SFXN3: variants seen among roughly 807,000 people sequenced by gnomAD.
The protein encoded by SFXN3 is sideroflexin-3.
Under a neutral mutation model 40.4 loss-of-function variants are expected in SFXN3, and 31 were observed. The observed-to-expected ratio is 0.77, with a 90% confidence interval of 0.58 to 1.04. The LOEUF (loss-of-function observed/expected upper bound fraction) is 1.04. Ranked by LOEUF, SFXN3 falls within the 50% of genes least tolerant of loss-of-function variation. SFXN3 has a pLI of 0.00. For missense variants in SFXN3, 366 were observed against 408.2 expected (o/e 0.90, Z 0.89); for synonymous variants, 157 against 160.0 (o/e 0.98, Z 0.14).
Position 101,036,784 on chromosome 10 carries a change from T to C in SFXN3, c.569T>C (p.Ile190Thr). 1 of 1,613,900 alleles carries C rather than the reference T, an allele frequency of 6.2e-7. No individual in the cohort carries two copies. The highest frequency in any genetic ancestry group is 8.5e-7 in the Non-Finnish European group (1 of 1,179,778). Reference sequence around the variant, plus strand: ...GCAGCAGTGGCAGCTGCCAACTGCATCAACATCCCCCTGATGAGGCAGAGG... The same window carrying C: ...GCAGCAGTGGCAGCTGCCAACTGCACCAACATCCCCCTGATGAGGCAGAGG... The change falls in exon 7 of 12, where the codon ATC (isoleucine) becomes ACC (threonine). Residue 190 changes from isoleucine to threonine, a missense_variant. Physicochemically the swap from Ile to Thr is moderately conservative, Grantham distance 89. Transcript: ENST00000393459. The surrounding 1 kb of genome is among the most constrained non-coding windows in gnomAD (Gnocchi z 4.2).
intron 1 of SFXN3, chr10:101,032,021 A>G: frequency 5.8e-6 from 1 of 173,598 alleles, no homozygotes. Context: ...CGGTAACCCG[A>G]GTCCCTCCCG....
chr10:101,033,706 GT>G (rs1434574453), intron 2 of SFXN3, among the ~76,000 whole-genome samples: 1 of 152,174 alleles, frequency 6.6e-6, no homozygotes, highest in African/African-American at 2.4e-5. Flanking sequence ...AGTTCCCTCA[GT>G]TTTTATTGAT....
chr10:101,040,479 G>A (rs1938844981), exon 12 of SFXN3: 1 of 152,230 alleles, frequency 6.6e-6, no homozygotes, highest in Non-Finnish European at 1.5e-5. Context: ...CGGTAGGAAT[G>A]GTGCTTAAAC....
chr10:101,036,941 C>A lies in SFXN3; in HGVS notation c.593+133C>A. Reference sequence around the variant, plus strand: ...CTGCTGGGCCCTGGCTCAGTCTGACCCTGGGATCCTCAGGTGGGAGAACCA... The same window carrying A: ...CTGCTGGGCCCTGGCTCAGTCTGACACTGGGATCCTCAGGTGGGAGAACCA... On this transcript the variant is annotated intron_variant, in intron 7 of 11. Transcript: ENST00000393459. This position sits in a 1 kb window ranked among gnomAD's most constrained non-coding sequence, Gnocchi z 4.2. 2.6e-6 allele frequency: 4 copies of A among 1,519,560 alleles called. No homozygotes were observed. Among genetic ancestry groups the A allele is most frequent in the Non-Finnish European group, 3.5e-6 (4 of 1,127,970 alleles). 94.1% of individuals were successfully genotyped at this position (1,519,560 alleles called of 1,614,324 possible). A position where few individuals can be genotyped will look rare whatever the true frequency, so the allele number is the denominator to read the frequency against.
intron 3 of SFXN3, among the ~76,000 whole-genome samples, chr10:101,035,074 A>G (rs1016779470): frequency 6.6e-6 from 1 of 152,222 alleles, no homozygotes; most frequent in African/African-American, 2.4e-5. Context: ...GGGCTGCTCT[A>G]TGCATCACAA....
intron 9 of SFXN3, chr10:101,037,878 C>T: frequency 9.6e-7 from 1 of 1,041,724 alleles, no homozygotes; most frequent in Non-Finnish European, 1.2e-6. Flanking sequence ...TGCCATGCAC[C>T]AGGCATGTTT....
At chr10:101,037,662 T>C (rs1938688178) in intron 9 of SFXN3, 1 of 1,428,380 alleles carries the variant, frequency 7.0e-7, no homozygotes, top group African/African-American at 1.4e-5. Context: ...ACTTCATCAG[T>C]GTTACTCCAG....
chr10:101,039,817 T>C lies in SFXN3; in HGVS notation c.*232T>C. On this transcript the variant is annotated 3_prime_UTR_variant, in exon 12 of 12. Transcript: ENST00000393459. The surrounding 1 kb of genome is among the most constrained non-coding windows in gnomAD (Gnocchi z 4.6). Reference sequence around the variant, plus strand: ...AACCCCTCCTGTGCTTGAGTGTCCATGCATATACATACATGATACACATGT... The same window carrying C: ...AACCCCTCCTGTGCTTGAGTGTCCACGCATATACATACATGATACACATGT... The C allele has an allele frequency of 1.7e-6, 1 of 575,098 alleles. No homozygotes were observed. The highest frequency in any genetic ancestry group is 3.1e-6 in the Non-Finnish European group (1 of 319,880). The allele number at this position is 575,098 out of a possible 1,614,324, so 35.6% of individuals were successfully genotyped here. A position where few individuals can be genotyped will look rare whatever the true frequency, so the allele number is the denominator to read the frequency against.
In SFXN3 at chr10:101,036,616, TTCC is replaced by T; in HGVS notation, c.507+58_507+60del. 6.2e-7 allele frequency: 1 copy of T among 1,613,052 alleles called. No individual in the cohort carries two copies. Among genetic ancestry groups the T allele is most frequent in the Non-Finnish European group, 8.5e-7 (1 of 1,179,464 alleles). ...CATTCATCCTCTATCTGCCTCCTTC[TTCC>T]TCATCACACCTCCAGTTCTGACCTA... is the stretch of plus-strand genomic sequence containing the variant. On this transcript the variant is annotated intron_variant, in intron 6 of 11. Coordinates refer to ENST00000393459, the Ensembl canonical transcript of SFXN3. The surrounding 1 kb of genome is among the most constrained non-coding windows in gnomAD (Gnocchi z 4.2).
Position 101,036,588 on chromosome 10 carries a change from C to T in SFXN3, c.507+27C>T. The T allele has an allele frequency of 6.2e-7, 1 of 1,613,758 alleles. No homozygotes were observed. Among genetic ancestry groups the T allele is most frequent in the Non-Finnish European group, 8.5e-7 (1 of 1,179,760 alleles). Reference sequence around the variant, plus strand: ...TAAAGGCCCCTCACTCCCCTGACCACCCCATTCATCCTCTATCTGCCTCCT... The same window carrying T: ...TAAAGGCCCCTCACTCCCCTGACCATCCCATTCATCCTCTATCTGCCTCCT... On this transcript the variant is annotated intron_variant, in intron 6 of 11. Transcript: ENST00000393459. This position sits in a 1 kb window ranked among gnomAD's most constrained non-coding sequence, Gnocchi z 4.2.
Position 101,039,314 on chromosome 10 carries a change from G to T in SFXN3, c.869+92G>T, listed in dbSNP as rs918983367. 1 of 1,325,876 alleles carries T rather than the reference G, an allele frequency of 7.5e-7. No individual in the cohort carries two copies. The highest frequency in any genetic ancestry group is 1.1e-6 in the Non-Finnish European group (1 of 935,464). 82.1% of individuals were successfully genotyped at this position (1,325,876 alleles called of 1,614,324 possible). ...CTAGGGTCTTCCAGGGTGTTCAGGA[G>T]GAGGCCTGGCAGGCACTCCACTGAT... On this transcript the variant is annotated intron_variant, in intron 11 of 11. Transcript: ENST00000393459. This position sits in a 1 kb window ranked among gnomAD's most constrained non-coding sequence, Gnocchi z 4.6.
At chr10:101,037,756 A>G (rs1938692600) in intron 9 of SFXN3, 1 of 1,287,056 alleles carries the variant, frequency 7.8e-7, no homozygotes, top group Admixed American at 3.4e-5. Flanking sequence ...CTCCATACTG[A>G]GAGGTACACA....
chr10:101,037,386 C>T (rs1938670973), exon 9 of SFXN3: 1 of 1,614,038 alleles, frequency 6.2e-7, no homozygotes, highest in African/African-American at 1.3e-5. Context: ...CCACAGCCAT[C>T]CCACCACTGA....
chr10:101,038,134 C>A, intron 9 of SFXN3: 1 of 360,814 alleles, frequency 2.8e-6, no homozygotes, highest in Non-Finnish European at 4.0e-6. Context: ...AGCCAAATAA[C>A]GCAGAGAAGA....
rs1938586455 is a variant in SFXN3 at position 101,036,091 on chromosome 10, A to G, written c.421A>G (p.Ile141Val). ...CTCCAACCGCAGTGGTGACACTCCC[A>G]TCACTGTGAGGTGAGAGCCAGCCCC... is the stretch of plus-strand genomic sequence containing the variant. Residue 141 changes from isoleucine (I) to valine (V), a missense_variant, in exon 5 of 12, where the codon ATC (isoleucine) becomes GTC (valine). Physicochemically the swap from Ile to Val is conservative, Grantham distance 29 (BLOSUM62 3). Transcript: ENST00000393459. The surrounding 1 kb of genome is among the most constrained non-coding windows in gnomAD (Gnocchi z 4.2). 6.2e-7 allele frequency: 1 copy of G among 1,613,730 alleles called. No homozygotes were observed. The highest frequency in any genetic ancestry group is 1.1e-5 in the South Asian group (1 of 91,064).
In SFXN3 at chr10:101,039,591, G is replaced by A. The variant is rs796715315; in HGVS notation, c.*6G>A. The A allele has an allele frequency of 3.7e-6, 6 of 1,613,052 alleles. No individual in the cohort carries two copies. The African/African-American group carries it at 5.3e-5, about 14-fold the overall frequency. Reference sequence around the variant, plus strand: ...ACTACAACAAGGGGCTTTGAGGAGGGTCAGCCTCTGTCCCCTCCCTCACTT... The same window carrying A: ...ACTACAACAAGGGGCTTTGAGGAGGATCAGCCTCTGTCCCCTCCCTCACTT... On this transcript the variant is annotated 3_prime_UTR_variant, in exon 12 of 12. Transcript: ENST00000393459. The surrounding 1 kb of genome is among the most constrained non-coding windows in gnomAD (Gnocchi z 4.6).
At position 101,036,466 on chromosome 10, in the gene SFXN3, C is replaced by T. The variant is rs919388677; in HGVS notation, c.432-20C>T. The T allele has an allele frequency of 1.9e-6, 3 of 1,613,710 alleles. No homozygotes were observed. The South Asian group carries it at 3.3e-5, about 18-fold the overall frequency. On this transcript the variant is annotated intron_variant, in intron 5 of 11. Coordinates refer to ENST00000393459, the Ensembl canonical transcript of SFXN3. The surrounding 1 kb of genome is among the most constrained non-coding windows in gnomAD (Gnocchi z 4.2). ...CTGGACTTGTCACCTCTCCCCGTGACCTGGCTTTTCCACCCACAGGCAGCT... is the reference window on the plus strand; with the variant it reads ...CTGGACTTGTCACCTCTCCCCGTGATCTGGCTTTTCCACCCACAGGCAGCT...
Position 101,039,602 on chromosome 10 carries a change from T to C in SFXN3, c.*17T>C, listed in dbSNP as rs1464914892. ...GGGCTTTGAGGAGGGTCAGCCTCTG[T>C]CCCCTCCCTCACTTCCTTGGGCTGC... On this transcript the variant is annotated 3_prime_UTR_variant, in exon 12 of 12. Transcript: ENST00000393459. This position sits in a 1 kb window ranked among gnomAD's most constrained non-coding sequence, Gnocchi z 4.6. The C allele has an allele frequency of 2.5e-6, 4 of 1,606,196 alleles. No individual in the cohort carries two copies. Among genetic ancestry groups the C allele is most frequent in the African/African-American group, 1.3e-5 (1 of 74,738 alleles).
intron 2 of SFXN3, 70 bp from the exon 3 acceptor site, chr10:101,034,622 C>T (rs1206261136): frequency 1.9e-6 from 3 of 1,558,420 alleles, no homozygotes; most frequent in Non-Finnish European, 1.7e-6. Context: ...GCAGGGGCAC[C>T]AAAGATTTCC....
Sources: gnomAD v4.1 joint callset for allele counts (sites outside exome capture counted in the v4.1 genomes callset) on GRCh38, gnomAD v4.1.1 for gene constraint, Gnocchi (gnomAD v3.1) non-coding constraint, MANE v1.5 for transcripts, NCBI Gene and HGNC (gene_info 2026-07-23, HGNC 2026-07-21) for gene names.